The following NHSL1 variants were observed in gnomAD, a reference collection of about 807,000 sequenced individuals.
The protein encoded by NHSL1 is NHS like 1, also known as NHS-like protein 1.
Under a neutral mutation model 95.0 loss-of-function variants are expected in NHSL1, and 48 were observed. That is an observed-to-expected ratio of 0.51 (90% CI 0.40 to 0.64). The LOEUF is 0.64. Among genes scored for constraint, NHSL1 ranks in the 30% least tolerant of loss-of-function variants. The pLI is 0.00. For synonymous variants in NHSL1, 783 were observed against 833.9 expected (o/e 0.94, Z 1.05); for missense variants, 1,971 against 2,077.7 (o/e 0.95, Z 1.00).
rs1036636561 is a variant in NHSL1, at chr6:138,692,155, T to C, written c.96+321A>G. The C allele has an allele frequency of 2.2e-6, 1 of 456,718 alleles. No homozygotes were observed. The highest frequency in any genetic ancestry group is 4.4e-6 in the Non-Finnish European group (1 of 226,968). 28.3% of individuals were successfully genotyped at this position (456,718 alleles called of 1,614,324 possible). A position where few individuals can be genotyped will look rare whatever the true frequency, so the allele number is the denominator to read the frequency against. On this transcript the variant is annotated intron_variant, in intron 1 of 3. Coordinates refer to the NHSL1 transcript ENST00000491526. The surrounding 1 kb of genome is among the most constrained non-coding windows in gnomAD (Gnocchi z 4.0). ...TTCCCACGAACTTGGCTCTCCTCTG[T>C]CTACAGCGCCCCGGGGTCTCCCAAA...
chr6:138,497,765 C>G (rs910713632), intron 1 of NHSL1, among the ~76,000 whole-genome samples: 1 of 152,196 alleles, frequency 6.6e-6, no homozygotes, highest in South Asian at 2.1e-4. Context: ...GGGCCACATG[C>G]TAGCGCTCAT....
intron 1 of NHSL1, among the ~76,000 whole-genome samples, chr6:138,588,295 T>A (rs1212184044): frequency 6.6e-6 from 1 of 152,142 alleles, no homozygotes; most frequent in African/African-American, 2.4e-5. Flanking sequence ...AAACCCCGCC[T>A]CTACTAAAAA....
chr6:138,540,195 C>A lies in NHSL1; in HGVS notation c.16+5428G>T, dbSNP rs73557329. On this transcript the variant is annotated intron_variant, in intron 1 of 4. Coordinates refer to the NHSL1 transcript ENST00000342260. ...TTTAAATGAAAGGAGGAGGAAAGAA[C>A]CAGGAAGAATTGTAGAACAATGGTT... 6.8e-3 allele frequency among the ~76,000 whole-genome samples: 1,036 copies of A among 152,160 alleles called. 9 individuals carry two copies. Among genetic ancestry groups the A allele is most frequent in the African/African-American group, 0.024 (1,010 of 41,504 alleles).
intron 3 of NHSL1, among the ~76,000 whole-genome samples, chr6:138,452,567 T>C (rs989094486): frequency 2.0e-5 from 3 of 152,172 alleles, no homozygotes; most frequent in Admixed American, 6.5e-5. Flanking sequence ...ATAGAACATA[T>C]CAACTATACA....
intron 3 of NHSL1, among the ~76,000 whole-genome samples, chr6:138,467,327 T>C (rs568233253): frequency 8.5e-4 from 129 of 152,204 alleles, no homozygotes; most frequent in Middle Eastern, 3.4e-3. Flanking sequence ...TAATTTTTTG[T>C]ATTTTTAGTA....
intron 2 of NHSL1, among the ~76,000 whole-genome samples, chr6:138,489,797 A>AG (rs1436632226): frequency 1.1e-3 from 150 of 137,170 alleles, no homozygotes; most frequent in East Asian, 2.7e-3. Flanking sequence ...GAAAGAAAGA[A>AG]AGAAGAGAGA....
intron 1 of NHSL1, among the ~76,000 whole-genome samples, chr6:138,641,436 G>A (rs1195291287): frequency 1.7e-4 from 26 of 152,058 alleles, no homozygotes; most frequent in Admixed American, 3.9e-4. Context: ...CATGTGAAAC[G>A]TACAGTGTTG....
intron 1 of NHSL1, among the ~76,000 whole-genome samples, chr6:138,656,681 T>G (rs1471632435): frequency 1.3e-5 from 2 of 152,190 alleles, no homozygotes; most frequent in Non-Finnish European, 2.9e-5. Flanking sequence ...ACATAAGTTT[T>G]CTTTGTGGTT....
intron 1 of NHSL1, among the ~76,000 whole-genome samples, chr6:138,683,164 T>C (rs1785535674): frequency 6.6e-6 from 1 of 152,096 alleles, no homozygotes; most frequent in Admixed American, 6.5e-5. Context: ...CCGGCCCCAG[T>C]GAAGCAGACA....
At chr6:138,497,260 A>G (rs1215339875) in intron 1 of NHSL1, among the ~76,000 whole-genome samples, 4 of 152,220 alleles carry the variant, frequency 2.6e-5, no homozygotes. Context: ...AAACAAATTC[A>G]TCAACAATGT....
intron 1 of NHSL1, among the ~76,000 whole-genome samples, chr6:138,520,734 C>T (rs1781644692): frequency 1.3e-5 from 2 of 152,196 alleles, no homozygotes; most frequent in Non-Finnish European, 2.9e-5. Context: ...CAACTGATTT[C>T]TACTTTTTGT....
At chr6:138,456,951 T>A (rs540618778) in intron 3 of NHSL1, among the ~76,000 whole-genome samples, 33 of 151,804 alleles carry the variant, frequency 2.2e-4, no homozygotes, top group Non-Finnish European at 4.3e-4. Context: ...TGGTGCGATC[T>A]CAGCTCACTG....
intron 1 of NHSL1, among the ~76,000 whole-genome samples, chr6:138,533,845 G>A (rs936272226): frequency 3.3e-5 from 5 of 152,146 alleles, no homozygotes; most frequent in Middle Eastern, 3.2e-3. Flanking sequence ...TTTTCCAGAC[G>A]GTGACCTGCC....
At chr6:138,536,259 T>C (rs1196036028) in intron 1 of NHSL1, among the ~76,000 whole-genome samples, 1 of 152,200 alleles carries the variant, frequency 6.6e-6, no homozygotes, top group Admixed American at 6.5e-5. Context: ...GAGTGAGGAC[T>C]GGGGAGCGAC....
At chr6:138,449,626 G>A (rs1262516813) in intron 3 of NHSL1, among the ~76,000 whole-genome samples, 1 of 151,906 alleles carries the variant, frequency 6.6e-6, no homozygotes, top group Non-Finnish European at 1.5e-5. Context: ...GCGGTGAGCT[G>A]AGGTTGCGCC....
At chr6:138,500,447 A>T (rs1162928047), upstream of NHSL1, among the ~76,000 whole-genome samples, 2 of 152,318 alleles carry the variant, frequency 1.3e-5, no homozygotes, top group Non-Finnish European at 2.9e-5. Context: ...CGGAAATACT[A>T]TGACAACGGA....
chr6:138,546,399 T>C (rs568138779), upstream of NHSL1, among the ~76,000 whole-genome samples: 51 of 115,802 alleles, frequency 4.4e-4, no homozygotes, highest in South Asian at 0.011. Flanking sequence ...GAGACCAGCC[T>C]CGGCAACACA....
At chr6:138,613,092 T>C (rs966879849) in intron 1 of NHSL1, among the ~76,000 whole-genome samples, 1 of 152,212 alleles carries the variant, frequency 6.6e-6, no homozygotes, top group Non-Finnish European at 1.5e-5. Context: ...TTGCTGATTC[T>C]GGAGTGGAAA....
chr6:138,576,499 G>A (rs1359027453), upstream of NHSL1, among the ~76,000 whole-genome samples: 2 of 152,140 alleles, frequency 1.3e-5, no homozygotes, highest in Admixed American at 6.5e-5. Context: ...TCACTGTCAG[G>A]CTGTCAAATT....
Sources: allele counts gnomAD v4.1 joint callset (sites outside exome capture counted in the v4.1 genomes callset), GRCh38; gene constraint gnomAD v4.1.1; non-coding constraint Gnocchi (gnomAD v3.1); transcripts MANE v1.5; gene names NCBI Gene and HGNC (gene_info 2026-07-23, HGNC 2026-07-21).